FBN1: variants seen among roughly 807,000 people sequenced by gnomAD.
The protein encoded by FBN1 is fibrillin 1.
FBN1 carries 29 observed loss-of-function variants against 365.1 expected under a neutral mutation model. The ratio of observed to expected loss-of-function variants is 0.08; its 90% confidence interval spans 0.06 to 0.11. The LOEUF is 0.11. Among genes scored for constraint, FBN1 ranks in the 10% least tolerant of loss-of-function variants. FBN1 has a pLI of 1.00. For synonymous variants in FBN1, 1,210 were observed against 1,270.5 expected, an observed-to-expected ratio of 0.95 and a Z score of 1.01; for missense variants, 2,476 against 3,703.2, an observed-to-expected ratio of 0.67 and a Z score of 8.60.
chr15:48,429,234 G>A (rs1384317172), intron 56 of FBN1, among the ~76,000 whole-genome samples: 1 of 152,132 alleles, frequency 6.6e-6, no homozygotes, highest in Non-Finnish European at 1.5e-5. Flanking sequence ...TTTAATACAT[G>A]TTAGAATAAT....
At chr15:48,603,922 T>C (rs1050661532) in intron 4 of FBN1, among the ~76,000 whole-genome samples, 4 of 152,196 alleles carry the variant, frequency 2.6e-5, no homozygotes, top group African/African-American at 7.2e-5. Context: ...ACAGAAAATG[T>C]TGCCATCTCC....
intron 44 of FBN1, among the ~76,000 whole-genome samples, chr15:48,456,034 T>C (rs145230001): frequency 6.6e-6 from 1 of 152,298 alleles, no homozygotes; most frequent in African/African-American, 2.4e-5. Flanking sequence ...GTAAGAGAAC[T>C]ATCTTTCCCA....
intron 45 of FBN1, among the ~76,000 whole-genome samples, chr15:48,451,398 A>T (rs1017127983): frequency 4.6e-5 from 7 of 152,214 alleles, no homozygotes; most frequent in Non-Finnish European, 1.0e-4. Flanking sequence ...GGATAGCAAC[A>T]GCTCTGTTGA....
At chr15:48,457,326 G>C (rs1053239927) in intron 43 of FBN1, among the ~76,000 whole-genome samples, 1 of 152,240 alleles carries the variant, frequency 6.6e-6, no homozygotes, top group African/African-American at 2.4e-5. Flanking sequence ...TGTCGCAGTA[G>C]AATGTGTGCT....
chr15:48,630,731 C>CAA lies in FBN1; in HGVS notation c.164+13873_164+13874dup, dbSNP rs11393587. ...TGGATGACAGAGTGAGACTCCATCT[C>CAA]AAAAAAAAAAAAAAAAAAAGAAAAG... On this transcript the variant is annotated intron_variant, in intron 2 of 65. Transcript: ENST00000316623. Among the ~76,000 whole-genome samples the CAA allele has an allele frequency of 5.6e-3, 611 of 110,048 alleles. 15 individuals are homozygous for CAA. Among genetic ancestry groups the CAA allele is most frequent in the South Asian group, 0.013 (37 of 2,856 alleles). The allele number at this position is 110,048 out of a possible 152,430, so 72.2% of individuals were successfully genotyped here.
intron 50 of FBN1, among the ~76,000 whole-genome samples, chr15:48,441,167 C>A (rs2043111576): frequency 6.6e-6 from 1 of 152,106 alleles, no homozygotes; most frequent in Non-Finnish European, 1.5e-5. Flanking sequence ...CATTGGCAAA[C>A]CCTTGAAAAT....
At chr15:48,580,311 C>T (rs1268072145) in intron 6 of FBN1, among the ~76,000 whole-genome samples, 1 of 152,208 alleles carries the variant, frequency 6.6e-6, no homozygotes, top group Non-Finnish European at 1.5e-5. Flanking sequence ...TTTCCTAGCA[C>T]TATGAAACAC....
chr15:48,510,213 A>G, intron 13 of FBN1, 44 bp from the exon 14 acceptor site: 1 of 1,601,082 alleles, frequency 6.2e-7, no homozygotes, highest in Non-Finnish European at 8.5e-7. Flanking sequence ...TATTTAGGGG[A>G]GTTAAAATTA....
intron 6 of FBN1, among the ~76,000 whole-genome samples, chr15:48,578,975 G>A (rs1429458053): frequency 6.8e-6 from 1 of 146,392 alleles, no homozygotes; most frequent in African/African-American, 2.5e-5. Context: ...CCTGCACAAT[G>A]TGCACATGTA....
rs1442328499 is a variant in FBN1, at chr15:48,409,674, T to A, written c.*1316A>T. On this transcript the variant is annotated 3_prime_UTR_variant, in exon 66 of 66. Coordinates refer to ENST00000316623, the MANE Select transcript of FBN1 (RefSeq NM_000138.5). ...GAAAGATGTTTAGGGGAAAAAAAAA[T>A]GGAACAGAACACCTAAGGCTTGCCA... 6.6e-6 allele frequency: 1 copy of A among 151,870 alleles called. No individual in the cohort carries two copies. Among genetic ancestry groups the A allele is most frequent in the Non-Finnish European group, 1.5e-5 (1 of 67,952 alleles). 9.4% of individuals were successfully genotyped at this position (151,870 alleles called of 1,614,324 possible). A position where few individuals can be genotyped will look rare whatever the true frequency, so the allele number is the denominator to read the frequency against.
rs11634866 is a variant in FBN1 at position 48,482,091 on chromosome 15, A to G, written c.3839-311T>C. ...AAAACTTTTTAGAACAGCATACTCT[A>G]TTGCAGGATGAAAAGTTTAATTCAG... On this transcript the variant is annotated intron_variant, in intron 31 of 65. Transcript: ENST00000316623. Among the ~76,000 whole-genome samples, 48,193 of 152,062 alleles carry G rather than the reference A, an allele frequency of 0.32. 8,410 individuals are homozygous for G. Among genetic ancestry groups the G allele is most frequent in the African/African-American group, 0.47 (19,537 of 41,484 alleles).
intron 36 of FBN1, among the ~76,000 whole-genome samples, chr15:48,469,083 T>TATATATATATAAAATATAATATATATTAC (rs1426642214): frequency 0.061 from 7,172 of 118,164 alleles, 316 homozygotes; most frequent in East Asian, 0.3. Context: ...AAAAAAAATA[T>TATATATATATAAAATATAATATATATTAC]ATATATATAT....
chr15:48,561,707 G>GA lies in FBN1; in HGVS notation c.539-23900dup, dbSNP rs550890748. ...AAAATTTTCCTACTCTCAGACTATG[G>GA]AAAAAGTATCTCTAAATTAAAGATT... On this transcript the variant is annotated intron_variant, in intron 6 of 65. Coordinates refer to ENST00000316623, the MANE Select transcript of FBN1 (RefSeq NM_000138.5). 2.0e-5 allele frequency among the ~76,000 whole-genome samples: 3 copies of GA among 152,118 alleles called. No individual in the cohort carries two copies. In the East Asian group the frequency reaches 5.8e-4, roughly 29 times the overall value.
Position 48,465,553 on chromosome 15 carries a change from A to G in FBN1, c.4942+15T>C, listed in dbSNP as rs1256030464. 3.7e-6 allele frequency: 6 copies of G among 1,613,724 alleles called. No individual in the cohort carries two copies. Among genetic ancestry groups the G allele is most frequent in the Non-Finnish European group, 3.4e-6 (4 of 1,179,904 alleles). On this transcript the variant is annotated intron_variant, in intron 40 of 65. Transcript: ENST00000316623. Reference sequence around the variant, plus strand: ...GATATCTGCAAGACCTTATCATCCTACCAGGACCATTTACCATCACACACT... The same window carrying G: ...GATATCTGCAAGACCTTATCATCCTGCCAGGACCATTTACCATCACACACT...
intron 47 of FBN1, among the ~76,000 whole-genome samples, chr15:48,445,775 TA>T (rs2043153799): frequency 6.6e-6 from 1 of 152,110 alleles, no homozygotes; most frequent in African/African-American, 2.4e-5. Context: ...GATTTTCCTT[TA>T]GATTTTATTT....
chr15:48,456,559 T>G, intron 44 of FBN1, 78 bp downstream of exon 44: 1 of 1,428,386 alleles, frequency 7.0e-7, no homozygotes, highest in Non-Finnish European at 9.8e-7. Context: ...TTCAATGTTG[T>G]GAAATTCGCC....
intron 3 of FBN1, 74 bp downstream of exon 3, chr15:48,612,936 C>A: frequency 2.7e-6 from 3 of 1,094,352 alleles, no homozygotes; most frequent in Non-Finnish European, 4.3e-6. Context: ...CAAAAGGCCA[C>A]ATTCTAAGGC....
chr15:48,572,808 T>C (rs1048987735), intron 6 of FBN1, among the ~76,000 whole-genome samples: 8 of 152,224 alleles, frequency 5.3e-5, no homozygotes, highest in African/African-American at 1.9e-4. Context: ...TCTGGTTCGT[T>C]CATTTAAAAT....
chr15:48,591,912 T>C (rs908353582), intron 6 of FBN1, among the ~76,000 whole-genome samples: 3 of 152,212 alleles, frequency 2.0e-5, no homozygotes, highest in Admixed American at 1.3e-4. Flanking sequence ...GCCTCTATTT[T>C]ACCACTTATA....
Sources: allele counts gnomAD v4.1 joint callset (sites outside exome capture counted in the v4.1 genomes callset), GRCh38; gene constraint gnomAD v4.1.1; transcripts MANE v1.5; gene names NCBI Gene and HGNC (gene_info 2026-07-23, HGNC 2026-07-21).